Variants in BLTP1 observed in about 807,000 individuals in gnomAD.
BLTP1 encodes the protein fragile site-associated protein.
the BLTP1 span, chr4:122,194,696 T>G: frequency 1.2e-6 from 1 of 855,580 alleles, no homozygotes; most frequent in Admixed American, 6.2e-5. Flanking sequence ...AAATAAAGTG[T>G]GATTCTTCTT....
the BLTP1 span, chr4:122,350,382 A>T: frequency 1.6e-5 from 16 of 985,036 alleles, no homozygotes; most frequent in Non-Finnish European, 2.4e-6. Flanking sequence ...GAGTCAGAAT[A>T]TCTGAATTTG....
chr4:122,174,628 A>T, the BLTP1 span: 1 of 1,603,736 alleles, frequency 6.2e-7, no homozygotes, highest in Non-Finnish European at 8.5e-7. Flanking sequence ...GAAATCTATT[A>T]CATTACAGAA....
At chr4:122,269,317 G>T in the BLTP1 span, 1 of 608,252 alleles carries the variant, frequency 1.6e-6, no homozygotes, top group Non-Finnish European at 2.1e-6. Context: ...CCTATTTATT[G>T]GCCTAGTAAA....
the BLTP1 span, chr4:122,254,459 G>A: frequency 1.0e-5 from 13 of 1,285,238 alleles, no homozygotes; most frequent in Non-Finnish European, 1.2e-5. Context: ...TAGTATTAAG[G>A]TTGCAACTTT....
chr4:122,308,785 T>C, the BLTP1 span, among the ~76,000 whole-genome samples: 1 of 152,148 alleles, frequency 6.6e-6, no homozygotes, highest in Non-Finnish European at 1.5e-5. Context: ...ATCTATATTT[T>C]ACTGTTACAA....
the BLTP1 span, chr4:122,343,331 GTCTGGTTCTTAAGAACATATTA>G: frequency 6.4e-7 from 1 of 1,563,974 alleles, no homozygotes. Context: ...CTGAAGTCAT[GTCTGGTTCTTAAGAACATATTA>G]TTGACTGGCC....
At chr4:122,303,211 G>A in the BLTP1 span, among the ~76,000 whole-genome samples, 5 of 152,120 alleles carry the variant, frequency 3.3e-5, no homozygotes, top group Non-Finnish European at 5.9e-5. Context: ...TAAGAATTAC[G>A]CTAAATCTCT....
At chr4:122,309,470 T>C in the BLTP1 span, 1 of 1,611,204 alleles carries the variant, frequency 6.2e-7, no homozygotes, top group Middle Eastern at 1.7e-4. Flanking sequence ...TGCCTGTGAG[T>C]ATCTTTTATT....
chr4:122,241,301 G>A, the BLTP1 span, among the ~76,000 whole-genome samples: 2 of 152,224 alleles, frequency 1.3e-5, no homozygotes, highest in Non-Finnish European at 2.9e-5. Flanking sequence ...AGTGAGTGGA[G>A]AGACTTGCTC....
chr4:122,257,891 A>G, the BLTP1 span, among the ~76,000 whole-genome samples: 4 of 152,204 alleles, frequency 2.6e-5, no homozygotes, highest in African/African-American at 4.8e-5. Flanking sequence ...TGATCTATCC[A>G]GGACAAAGAT....
the BLTP1 span, among the ~76,000 whole-genome samples, chr4:122,178,892 T>C: frequency 1.1e-4 from 16 of 152,208 alleles, no homozygotes; most frequent in African/African-American, 3.1e-4. Flanking sequence ...TTAAAAATTT[T>C]AAGGTTGAAC....
chr4:122,325,282 T>A, the BLTP1 span: 65 of 1,609,544 alleles, frequency 4.0e-5, no homozygotes, highest in Non-Finnish European at 5.4e-5. Flanking sequence ...GGATGCAGCA[T>A]CTCCTGGACC....
the BLTP1 span, among the ~76,000 whole-genome samples, chr4:122,260,220 C>T: frequency 6.6e-6 from 1 of 152,084 alleles, no homozygotes; most frequent in African/African-American, 2.4e-5. Context: ...TTGTGTATTT[C>T]AACACAGAAA....
chr4:122,359,636 T>A, the BLTP1 span: 1 of 1,612,880 alleles, frequency 6.2e-7, no homozygotes, highest in African/African-American at 1.3e-5. Flanking sequence ...ATTCCTCTGA[T>A]AAAGATAGAG....
chr4:122,298,546 C>A, the BLTP1 span: 1 of 376,066 alleles, frequency 2.7e-6, no homozygotes, highest in Non-Finnish European at 3.7e-6. Context: ...ATTCTATAAT[C>A]CATTCCATAG....
chr4:122,163,288 G>A, the BLTP1 span, among the ~76,000 whole-genome samples: 1 of 152,158 alleles, frequency 6.6e-6, no homozygotes, highest in Non-Finnish European at 1.5e-5. Flanking sequence ...GGCACCTGGA[G>A]TTCACTCATA....
the BLTP1 span, chr4:122,299,928 C>T: frequency 1.0e-5 from 10 of 984,658 alleles, no homozygotes; most frequent in Middle Eastern, 5.2e-4. Flanking sequence ...AAGGTACAAG[C>T]GTACAGGCAG....
chr4:122,198,327 T>C, the BLTP1 span: 1 of 985,236 alleles, frequency 1.0e-6, no homozygotes, highest in South Asian at 4.7e-5. Context: ...TAATTCAGAG[T>C]ACGCAGTTCG....
the BLTP1 span, among the ~76,000 whole-genome samples, chr4:122,222,193 G>A: frequency 6.6e-6 from 1 of 152,086 alleles, no homozygotes; most frequent in Non-Finnish European, 1.5e-5. Context: ...ACATTCTATA[G>A]TGTTGACACG....
Sources: gnomAD v4.1 joint callset for allele counts (sites outside exome capture counted in the v4.1 genomes callset) on GRCh38, gnomAD v4.1.1 for gene constraint, MANE v1.5 for transcripts, NCBI Gene and HGNC (gene_info 2026-07-23, HGNC 2026-07-21) for gene names.